The following GRIK4 variants were observed in gnomAD, a reference collection of about 807,000 sequenced individuals.
GRIK4 encodes the protein glutamate ionotropic receptor kainate type subunit 4.
A neutral mutation model predicts 104.9 loss-of-function variants in GRIK4; 40 were observed. That is an observed-to-expected ratio of 0.38 (90% CI 0.30 to 0.50). GRIK4 has a LOEUF of 0.50. GRIK4 is among the 20% of genes least tolerant of loss of function. The pLI, the probability that GRIK4 is intolerant of heterozygous loss-of-function variation, is 0.93. For missense variants in GRIK4, 1,047 were observed against 1,308.1 expected (o/e 0.80, Z 3.08); for synonymous variants, 485 against 524.9 (o/e 0.92, Z 1.04).
rs572136201 is a variant in GRIK4, at chr11:120,915,875, G to A, written c.1476+10382G>A. ...TCCACAGATGAGGGCACAGAGGCTT[G>A]GAGAGTTCCATAATTAATCCAAGCT... On this transcript the variant is annotated intron_variant, in intron 13 of 20. Transcript: ENST00000527524. Among the ~76,000 whole-genome samples the A allele has an allele frequency of 3.3e-5, 5 of 152,322 alleles. No individual in the cohort carries two copies. The South Asian group carries it at 1.0e-3, about 32-fold the overall frequency.
At chr11:120,664,725 T>G (rs1436767236) in intron 3 of GRIK4, among the ~76,000 whole-genome samples, 1 of 152,254 alleles carries the variant, frequency 6.6e-6, no homozygotes, top group Non-Finnish European at 1.5e-5. Flanking sequence ...GGAATCATCA[T>G]GGCTAATATA....
At chr11:120,862,172 C>G in intron 9 of GRIK4, 52 bp downstream of exon 9, 1 of 1,528,706 alleles carries the variant, frequency 6.5e-7, no homozygotes, top group South Asian at 1.2e-5. Context: ...TGCACATTGC[C>G]CCTCTGTGGG....
At chr11:120,908,449 ACACAC>A (rs1201675329) in intron 13 of GRIK4, among the ~76,000 whole-genome samples, 7 of 152,126 alleles carry the variant, frequency 4.6e-5, no homozygotes, top group Admixed American at 4.6e-4. Flanking sequence ...ACACACACAC[ACACAC>A]ACACACAGAG....
chr11:120,885,993 G>A lies in GRIK4; in HGVS notation c.1164+10750G>A, dbSNP rs547398977. 4.7e-4 allele frequency among the ~76,000 whole-genome samples: 72 copies of A among 152,348 alleles called. 1 individual carries two copies. Among genetic ancestry groups the A allele is most frequent in the African/African-American group, 1.5e-3 (64 of 41,582 alleles). On this transcript the variant is annotated intron_variant, in intron 11 of 20. Transcript: ENST00000527524. ...CCAAATTCTGCTTCTTATGCCAGACGTTGGGGATTAGGGATGGAAGTCTGG... is the reference window on the plus strand; with the variant it reads ...CCAAATTCTGCTTCTTATGCCAGACATTGGGGATTAGGGATGGAAGTCTGG...
intron 1 of GRIK4, among the ~76,000 whole-genome samples, chr11:120,652,604 CA>C (rs1949635323): frequency 1.1e-5 from 1 of 92,416 alleles, no homozygotes; most frequent in South Asian, 3.6e-4. Context: ...AGTTCACATC[CA>C]TTTTTTTTTT....
At chr11:120,617,652 A>G (rs1260617101) in intron 1 of GRIK4, among the ~76,000 whole-genome samples, 1 of 152,112 alleles carries the variant, frequency 6.6e-6, no homozygotes, top group Non-Finnish European at 1.5e-5. Context: ...TGTTCTTGTG[A>G]TAGTCAATGA....
rs542198483 is a variant in GRIK4 at position 120,938,815 on chromosome 11, A to G, written c.1477-1532A>G. Among the ~76,000 whole-genome samples the G allele has an allele frequency of 3.3e-5, 5 of 152,364 alleles. No homozygotes were observed. In the South Asian group the frequency reaches 6.2e-4, roughly 19 times the overall value. Reference sequence around the variant, plus strand: ...CATGGCTCTTAACAATTAGTACAGTATAAGTTAGAATCATCAGGGCAGCTT... The same window carrying G: ...CATGGCTCTTAACAATTAGTACAGTGTAAGTTAGAATCATCAGGGCAGCTT... On this transcript the variant is annotated intron_variant, in intron 13 of 20. Coordinates refer to ENST00000527524, the MANE Select transcript of GRIK4 (RefSeq NM_014619.5).
chr11:120,534,492 G>A (rs1300579362), intron 1 of GRIK4, among the ~76,000 whole-genome samples: 4 of 152,256 alleles, frequency 2.6e-5, no homozygotes, highest in Non-Finnish European at 5.9e-5. Flanking sequence ...AGCTGATGAC[G>A]GAGCGCTGAG....
intron 1 of GRIK4, among the ~76,000 whole-genome samples, chr11:120,609,520 T>TG (rs1325310798): frequency 3.7e-3 from 151 of 40,678 alleles, no homozygotes; most frequent in African/African-American, 0.014. Flanking sequence ...CAGTTGCTTT[T>TG]TTTTTTTTTT....
chr11:120,691,998 G>T (rs1044558148), intron 3 of GRIK4, among the ~76,000 whole-genome samples: 2 of 152,354 alleles, frequency 1.3e-5, no homozygotes, highest in East Asian at 3.9e-4. Context: ...CTCCTATGAT[G>T]TGCATGTGGT....
chr11:120,898,980 T>C (rs1367803801), intron 12 of GRIK4, among the ~76,000 whole-genome samples: 3 of 152,064 alleles, frequency 2.0e-5, no homozygotes, highest in Non-Finnish European at 4.4e-5. Flanking sequence ...CCCTGCCCCT[T>C]CCCAGCAGCC....
intron 1 of GRIK4, among the ~76,000 whole-genome samples, chr11:120,626,093 TC>T (rs1209667805): frequency 6.6e-6 from 1 of 152,000 alleles, no homozygotes; most frequent in East Asian, 1.9e-4. Context: ...ATTCAAAGTG[TC>T]CCCCCGCCCC....
intron 1 of GRIK4, among the ~76,000 whole-genome samples, chr11:120,618,148 G>A (rs1949139583): frequency 6.6e-6 from 1 of 152,166 alleles, no homozygotes; most frequent in Non-Finnish European, 1.5e-5. Context: ...AAACTTATTG[G>A]AAACTGGAGT....
At chr11:120,622,875 G>T (rs775170197) in intron 1 of GRIK4, among the ~76,000 whole-genome samples, 1 of 152,176 alleles carries the variant, frequency 6.6e-6, no homozygotes. Context: ...GATACATGTG[G>T]TTTACTTAGG....
chr11:120,771,672 G>A (rs1382097302), intron 3 of GRIK4, among the ~76,000 whole-genome samples: 1 of 152,190 alleles, frequency 6.6e-6, no homozygotes, highest in East Asian at 1.9e-4. Context: ...TATCTCAGTG[G>A]AATCCAGGAC....
chr11:120,901,387 T>C (rs1455557707), intron 12 of GRIK4, among the ~76,000 whole-genome samples: 1 of 152,064 alleles, frequency 6.6e-6, no homozygotes, highest in Non-Finnish European at 1.5e-5. Flanking sequence ...GGGTTACCCT[T>C]CCCTCTAATT....
At chr11:120,817,491 C>G (rs1591951312) in intron 5 of GRIK4, among the ~76,000 whole-genome samples, 1 of 152,076 alleles carries the variant, frequency 6.6e-6, no homozygotes, top group Admixed American at 6.5e-5. Context: ...CTCCCCTGCT[C>G]CAGGGAAAAG....
At chr11:120,984,013 G>A (rs1356379269) in intron 20 of GRIK4, among the ~76,000 whole-genome samples, 1 of 152,088 alleles carries the variant, frequency 6.6e-6, no homozygotes, top group Non-Finnish European at 1.5e-5. Context: ...GGGGTGTGAT[G>A]GGGGCCTATA....
At chr11:120,974,058 C>T (rs1203258512) in intron 19 of GRIK4, among the ~76,000 whole-genome samples, 1 of 152,166 alleles carries the variant, frequency 6.6e-6, no homozygotes, top group East Asian at 1.9e-4. Context: ...CAGGCGCATG[C>T]CACCACACCC....
Sources: gnomAD v4.1 joint callset for allele counts (sites outside exome capture counted in the v4.1 genomes callset) on GRCh38, gnomAD v4.1.1 for gene constraint, MANE v1.5 for transcripts, NCBI Gene and HGNC (gene_info 2026-07-23, HGNC 2026-07-21) for gene names.